Variants in EDNRA observed in about 807,000 individuals in gnomAD.
The protein encoded by EDNRA is endothelin receptor type A, also known as endothelin-1 receptor.
EDNRA carries 11 observed loss-of-function variants against 41.4 expected under a neutral mutation model. That is an observed-to-expected ratio of 0.27 (90% CI 0.17 to 0.44). The LOEUF (loss-of-function observed/expected upper bound fraction) is 0.44, where lower values mean the gene tolerates loss of function less well. Among genes scored for constraint, EDNRA ranks in the 20% least tolerant of loss-of-function variants. EDNRA has a pLI of 1.00. For missense variants in EDNRA, 294 were observed against 531.0 expected (o/e 0.55, Z 4.39); for synonymous variants, 172 against 183.0 (o/e 0.94, Z 0.49).
chr4:147,483,149 A>G (rs1728830021), intron 1 of EDNRA, among the ~76,000 whole-genome samples: 1 of 152,204 alleles, frequency 6.6e-6, no homozygotes, highest in South Asian at 2.1e-4. Flanking sequence ...TAGGTCTATC[A>G]ATTTTTGGCC....
intron 2 of EDNRA, chr4:147,492,690 G>T (rs551466975): frequency 2.7e-5 from 4 of 150,060 alleles, no homozygotes; most frequent in Non-Finnish European, 5.9e-5. Flanking sequence ...GAGAGAATAC[G>T]AAGTAGGTTG....
At chr4:147,497,756 T>C (rs909457567) in intron 2 of EDNRA, among the ~76,000 whole-genome samples, 1 of 152,078 alleles carries the variant, frequency 6.6e-6, no homozygotes, top group Non-Finnish European at 1.5e-5. Flanking sequence ...GTATTTTTAG[T>C]AGAGACGAGG....
At chr4:147,538,001 C>T (rs1730973599) in intron 5 of EDNRA, among the ~76,000 whole-genome samples, 1 of 152,118 alleles carries the variant, frequency 6.6e-6, no homozygotes, top group Non-Finnish European at 1.5e-5. Context: ...AATTTCTCCT[C>T]ATCATAATGA....
intron 2 of EDNRA, among the ~76,000 whole-genome samples, chr4:147,500,239 A>G (rs1234452560): frequency 3.3e-5 from 5 of 152,228 alleles, no homozygotes; most frequent in African/African-American, 1.2e-4. Context: ...TCTTACCTCT[A>G]TGCTGTAAAA....
intron 2 of EDNRA, among the ~76,000 whole-genome samples, chr4:147,503,648 C>A (rs1729589403): frequency 6.6e-6 from 1 of 152,076 alleles, no homozygotes; most frequent in Non-Finnish European, 1.5e-5. Context: ...GCTATACCAG[C>A]AAAGAAAATT....
intron 1 of EDNRA, among the ~76,000 whole-genome samples, chr4:147,482,692 G>A (rs915630115): frequency 2.6e-5 from 4 of 152,224 alleles, no homozygotes; most frequent in Non-Finnish European, 4.4e-5. Context: ...GATTTCTGTA[G>A]TGGTGTCATT....
chr4:147,501,604 T>C (rs921057443), intron 2 of EDNRA, among the ~76,000 whole-genome samples: 7 of 152,232 alleles, frequency 4.6e-5, no homozygotes, highest in Non-Finnish European at 1.0e-4. Flanking sequence ...AATCCAAATA[T>C]ATATTTCTGT....
intron 2 of EDNRA, among the ~76,000 whole-genome samples, chr4:147,505,599 C>T (rs916881561): frequency 2.0e-5 from 3 of 150,816 alleles, no homozygotes; most frequent in Non-Finnish European, 4.4e-5. Flanking sequence ...ACCTCAGCCT[C>T]CCATAGTGCT....
intron 3 of EDNRA, among the ~76,000 whole-genome samples, chr4:147,528,357 C>CTT (rs755450847): frequency 1.1e-4 from 13 of 119,460 alleles, no homozygotes; most frequent in Non-Finnish European, 1.9e-4. Context: ...TTCTTGCTTT[C>CTT]TTTTTTTTTT....
chr4:147,544,461 C>A lies in EDNRA; in HGVS notation c.*1843C>A, dbSNP rs976162293. 1 of 152,612 alleles carries A rather than the reference C, an allele frequency of 6.6e-6. No individual in the cohort carries two copies. Among genetic ancestry groups the A allele is most frequent in the African/African-American group, 2.4e-5 (1 of 41,440 alleles). The allele number at this position is 152,612 out of a possible 1,614,324, so 9.5% of individuals were successfully genotyped here. A position where few individuals can be genotyped will look rare whatever the true frequency, so the allele number is the denominator to read the frequency against. ...GAAATTGCCAGGTTGTCTGATATTT[C>A]TTTCAGACTTCGCCAGACAGATTGC... On this transcript the variant is annotated 3_prime_UTR_variant, in exon 8 of 8. Transcript: ENST00000651419.
chr4:147,482,882 A>G (rs1728819341), intron 1 of EDNRA, among the ~76,000 whole-genome samples: 1 of 152,214 alleles, frequency 6.6e-6, no homozygotes, highest in African/African-American at 2.4e-5. Flanking sequence ...GTCAGTTCAC[A>G]GGTCAGTTCC....
chr4:147,498,989 T>A (rs1729411451), intron 2 of EDNRA, among the ~76,000 whole-genome samples: 1 of 152,214 alleles, frequency 6.6e-6, no homozygotes, highest in Admixed American at 6.5e-5. Flanking sequence ...TCAAAATATG[T>A]TTTATTTTTT....
intron 2 of EDNRA, among the ~76,000 whole-genome samples, chr4:147,502,777 T>C (rs145341521): frequency 6.6e-6 from 1 of 152,344 alleles, no homozygotes; most frequent in East Asian, 1.9e-4. Context: ...GTTAATGTCA[T>C]GTGATAACAT....
Position 147,540,505 on chromosome 4 carries a change from AT to A in EDNRA, c.1143+26del, listed in dbSNP as rs1731061850. On this transcript the variant is annotated intron_variant, in intron 7 of 7. Coordinates refer to ENST00000651419, the MANE Select transcript of EDNRA (RefSeq NM_001957.4). ...TTCCAGGTAAGATGATTTTTCAAGT[AT>A]TTTTTAAAGACAACAAAATGAGTAT... 6 of 1,560,684 alleles carry A rather than the reference AT, an allele frequency of 3.8e-6. No homozygotes were observed. The highest frequency in any genetic ancestry group is 5.3e-6 in the Non-Finnish European group (6 of 1,139,328).
Position 147,542,585 on chromosome 4 carries a change from A to G in EDNRA, c.1251A>G (p.Thr417=). The stretch of plus-strand genomic sequence containing the variant: ...ACCACGATCAAAACAACCACAACAC[A>G]GACCGGAGCAGCCATAAGGACAGCA... ...WKNHDQNNHN[T]DRSSHKDSMN The change falls in exon 8 of 8, where the codon ACA becomes ACG. Residue 417 remains threonine (T), a synonymous_variant. Coordinates refer to ENST00000651419, the MANE Select transcript of EDNRA (RefSeq NM_001957.4). 2 of 1,614,128 alleles carry G rather than the reference A, an allele frequency of 1.2e-6. No homozygotes were observed. The highest frequency in any genetic ancestry group is 3.3e-5 in the Admixed American group (2 of 60,024).
intron 2 of EDNRA, chr4:147,492,186 T>A (rs1160278124): frequency 1.3e-5 from 2 of 152,240 alleles, no homozygotes; most frequent in Non-Finnish European, 2.9e-5. Flanking sequence ...AAACATACTC[T>A]ATTGTATTTG....
chr4:147,535,266 C>T (rs1272764739), intron 4 of EDNRA, among the ~76,000 whole-genome samples: 5 of 152,122 alleles, frequency 3.3e-5, no homozygotes, highest in Non-Finnish European at 1.5e-5. Flanking sequence ...GATATGCTGC[C>T]TCAATAGTTT....
chr4:147,534,287 G>C (rs966688460), intron 4 of EDNRA, among the ~76,000 whole-genome samples: 1 of 152,232 alleles, frequency 6.6e-6, no homozygotes, highest in African/African-American at 2.4e-5. Flanking sequence ...TCAAAAAAGA[G>C]AGAGAGAGTG....
At chr4:147,514,081 A>G (rs74363101) in intron 2 of EDNRA, among the ~76,000 whole-genome samples, 1,811 of 152,340 alleles carry the variant, frequency 0.012, 37 homozygotes, top group African/African-American at 0.042. Context: ...TTTGTGTGTT[A>G]TATGTTCAGT....
Sources: allele counts gnomAD v4.1 joint callset (sites outside exome capture counted in the v4.1 genomes callset), GRCh38; gene constraint gnomAD v4.1.1; transcripts MANE v1.5; gene names NCBI Gene and HGNC (gene_info 2026-07-23, HGNC 2026-07-21).